The following RNF145 variants were observed in gnomAD, a reference collection of about 807,000 sequenced individuals.
RNF145 encodes the protein ring finger protein 145.
A neutral mutation model predicts 57.3 loss-of-function variants in RNF145; 12 were observed. The ratio of observed to expected loss-of-function variants is 0.21; its 90% confidence interval spans 0.13 to 0.34. The LOEUF (loss-of-function observed/expected upper bound fraction) is 0.34. Among genes scored for constraint, RNF145 ranks in the 10% least tolerant of loss-of-function variants. The pLI, the probability that RNF145 is intolerant of heterozygous loss-of-function variation, is 1.00. For synonymous variants in RNF145, 262 were observed against 288.3 expected (o/e 0.91, Z 0.92); for missense variants, 429 against 799.0 (o/e 0.54, Z 5.58).
intron 9 of RNF145, among the ~76,000 whole-genome samples, chr5:159,162,730 G>A (rs1207252979): frequency 6.6e-5 from 10 of 152,228 alleles, no homozygotes; most frequent in East Asian, 1.9e-4. Flanking sequence ...CACCGCGCCC[G>A]GCCGGTTTAT....
At chr5:159,171,751 T>A (rs1784567220) in intron 6 of RNF145, among the ~76,000 whole-genome samples, 1 of 152,174 alleles carries the variant, frequency 6.6e-6, no homozygotes, top group African/African-American at 2.4e-5. Flanking sequence ...CTAAATAAGT[T>A]GTTTTTTTGG....
At chr5:159,209,944 A>G (rs1432887422), upstream of RNF145, 4 of 1,517,900 alleles carry the variant, frequency 2.6e-6, no homozygotes, top group Non-Finnish European at 3.5e-6. Flanking sequence ...TAACCTCGTC[A>G]CTGACTGGAC....
At chr5:159,205,851 C>A (rs1447731770) in intron 1 of RNF145, among the ~76,000 whole-genome samples, 2 of 152,042 alleles carry the variant, frequency 1.3e-5, no homozygotes, top group Non-Finnish European at 2.9e-5. Context: ...TTTTTCAATG[C>A]TTTGCTATTT....
At chr5:159,206,923 C>CA in intron 1 of RNF145, among the ~76,000 whole-genome samples, 1 of 147,884 alleles carries the variant, frequency 6.8e-6, no homozygotes, top group East Asian at 2.0e-4. Flanking sequence ...AAATGTGACT[C>CA]AAAGATGTTT....
At chr5:159,205,759 T>C (rs1785857361) in intron 1 of RNF145, among the ~76,000 whole-genome samples, 1 of 152,200 alleles carries the variant, frequency 6.6e-6, no homozygotes, top group Non-Finnish European at 1.5e-5. Context: ...TCTGTTTTTA[T>C]AAGTAACAAG....
At chr5:159,167,344 C>G (rs1173626988) in intron 8 of RNF145, among the ~76,000 whole-genome samples, 1 of 152,150 alleles carries the variant, frequency 6.6e-6, no homozygotes, top group Non-Finnish European at 1.5e-5. Context: ...TCAAAGTACC[C>G]CGGCCCACAT....
intron 1 of RNF145, among the ~76,000 whole-genome samples, chr5:159,205,833 C>T (rs1215492334): frequency 2.0e-5 from 3 of 152,062 alleles, no homozygotes; most frequent in African/African-American, 7.2e-5. Context: ...GATTTGGAAC[C>T]TTTCTCTTTT....
At chr5:159,208,976 G>A (rs1786005535) in intron 1 of RNF145, among the ~76,000 whole-genome samples, 1 of 152,042 alleles carries the variant, frequency 6.6e-6, no homozygotes, top group Middle Eastern at 3.4e-3. Context: ...GGGCCCAGGA[G>A]GGGAGAGCAG....
chr5:159,173,946 A>G lies in RNF145; in HGVS notation c.797+37T>C, dbSNP rs202123732. The G allele has an allele frequency of 2.7e-4, 374 of 1,364,336 alleles. 1 individual carries two copies. In the African/African-American group the frequency reaches 4.7e-3, roughly 17 times the overall value. 84.5% of individuals were successfully genotyped at this position (1,364,336 alleles called of 1,614,324 possible). ...TCCTAGATCAAAGTTTTCTCTTTCTAAGGTTATATATAGTATCATAGGCTC... is the reference window on the plus strand; with the variant it reads ...TCCTAGATCAAAGTTTTCTCTTTCTGAGGTTATATATAGTATCATAGGCTC... On this transcript the variant is annotated intron_variant, in intron 6 of 10. Coordinates refer to ENST00000424310, the MANE Select transcript of RNF145 (RefSeq NM_001199383.2).
At chr5:159,176,277 C>A (rs1188673458) in intron 5 of RNF145, among the ~76,000 whole-genome samples, 3 of 152,084 alleles carry the variant, frequency 2.0e-5, no homozygotes, top group Non-Finnish European at 4.4e-5. Context: ...CTGCCTGGTA[C>A]TAAACTCATT....
intron 9 of RNF145, among the ~76,000 whole-genome samples, chr5:159,162,510 C>T (rs1241236348): frequency 1.3e-5 from 2 of 150,132 alleles, no homozygotes; most frequent in African/African-American, 4.9e-5. Context: ...TCTCGGCTCA[C>T]TGCAAGCTCC....
chr5:159,192,888 C>G (rs192315130), intron 3 of RNF145, among the ~76,000 whole-genome samples: 1 of 152,204 alleles, frequency 6.6e-6, no homozygotes, highest in African/African-American at 2.4e-5. Flanking sequence ...GCTCAGTATA[C>G]CCTAATGACT....
At chr5:159,180,253 C>G (rs747103733) in intron 4 of RNF145, among the ~76,000 whole-genome samples, 37 of 152,072 alleles carry the variant, frequency 2.4e-4, no homozygotes, top group Non-Finnish European at 2.1e-4. Context: ...CCGTTCCTAT[C>G]ACTGTGGCTC....
intron 5 of RNF145, among the ~76,000 whole-genome samples, chr5:159,175,873 C>T (rs1784705574): frequency 6.6e-6 from 1 of 152,178 alleles, no homozygotes; most frequent in Non-Finnish European, 1.5e-5. Context: ...GACATTTTAA[C>T]ACTCTCTTTT....
intron 2 of RNF145, among the ~76,000 whole-genome samples, chr5:159,196,873 T>C (rs79349310): frequency 0.022 from 3,279 of 152,342 alleles, 58 homozygotes; most frequent in East Asian, 0.1. Flanking sequence ...TCATTTTCCT[T>C]TCCAGAACGG....
At chr5:159,174,308 G>T in intron 5 of RNF145, 150 bp from the exon 6 acceptor site, 1 of 593,074 alleles carries the variant, frequency 1.7e-6, no homozygotes, top group Non-Finnish European at 3.0e-6. Flanking sequence ...AGCCTATATA[G>T]TTAATAAATA....
chr5:159,188,827 C>A, intron 3 of RNF145, among the ~76,000 whole-genome samples: 1 of 152,062 alleles, frequency 6.6e-6, no homozygotes, highest in Admixed American at 6.5e-5. Context: ...TATGTAAATA[C>A]ACATAAAGGA....
rs777164263 is a variant in RNF145, at chr5:159,163,131, A to G, written c.1122-52T>C. 3 of 1,507,280 alleles carry G rather than the reference A, an allele frequency of 2.0e-6. No individual in the cohort carries two copies. In the African/African-American group the frequency reaches 4.2e-5, roughly 21 times the overall value. The allele number at this position is 1,507,280 out of a possible 1,614,324, so 93.4% of individuals were successfully genotyped here. ...TAAGTGCCTGCCACCTAGTAGCACA[A>G]CCACTCACATCAGCAGCTAACATCT... On this transcript the variant is annotated intron_variant, in intron 8 of 10. Coordinates refer to ENST00000424310, the MANE Select transcript of RNF145 (RefSeq NM_001199383.2).
Position 159,198,057 on chromosome 5 carries a change from C to T in RNF145, c.185-3233G>A, listed in dbSNP as rs376593612. 7.9e-4 allele frequency among the ~76,000 whole-genome samples: 120 copies of T among 151,788 alleles called. 1 individual carries two copies. Among genetic ancestry groups the T allele is most frequent in the African/African-American group, 2.7e-3 (112 of 41,372 alleles). On this transcript the variant is annotated intron_variant, in intron 2 of 10. Transcript: ENST00000424310. The stretch of plus-strand genomic sequence containing the variant: ...GAGTTCGAGACCAGCCTGGGTAACA[C>T]GGCAAATTCCTGTCTCTACAAAAAA...
Sources: allele counts gnomAD v4.1 joint callset (sites outside exome capture counted in the v4.1 genomes callset), GRCh38; gene constraint gnomAD v4.1.1; transcripts MANE v1.5; gene names NCBI Gene and HGNC (gene_info 2026-07-23, HGNC 2026-07-21).